Variants in RAPGEF6 observed in about 807,000 individuals in gnomAD.
RAPGEF6 encodes the protein PDZ domain containing guanine nucleotide exchange factor (GEF) 2.
RAPGEF6 carries 56 observed loss-of-function variants against 171.4 expected under a neutral mutation model. The ratio of observed to expected loss-of-function variants is 0.33; its 90% confidence interval spans 0.26 to 0.41. The LOEUF (loss-of-function observed/expected upper bound fraction) is 0.41. Ranked by LOEUF, RAPGEF6 falls within the 10% of genes least tolerant of loss-of-function variation. The pLI is 1.00. For synonymous variants in RAPGEF6, 692 were observed against 650.1 expected (o/e 1.06, Z -0.98); for missense variants, 1,674 against 1,921.4 (o/e 0.87, Z 2.41).
chr5:131,606,050 A>G (rs1481291016), intron 1 of RAPGEF6, among the ~76,000 whole-genome samples: 4 of 135,568 alleles, frequency 3.0e-5, no homozygotes. Context: ...AAAAAAAAAA[A>G]AAAGAAAAAG....
At chr5:131,576,604 C>T (rs1490341170) in intron 4 of RAPGEF6, among the ~76,000 whole-genome samples, 1 of 152,182 alleles carries the variant, frequency 6.6e-6, no homozygotes, top group Non-Finnish European at 1.5e-5. Flanking sequence ...CTTGAGGCAA[C>T]GCTTATGCTG....
chr5:131,506,454 T>G (rs775777038), intron 9 of RAPGEF6, among the ~76,000 whole-genome samples: 1 of 152,242 alleles, frequency 6.6e-6, no homozygotes, highest in African/African-American at 2.4e-5. Flanking sequence ...TTTAAAGATC[T>G]ACTATATATC....
chr5:131,497,721 T>C (rs1756726340), intron 12 of RAPGEF6, among the ~76,000 whole-genome samples: 1 of 152,234 alleles, frequency 6.6e-6, no homozygotes, highest in Non-Finnish European at 1.5e-5. Flanking sequence ...ATAAAAGAAT[T>C]CTGCAGTTTA....
intron 7 of RAPGEF6, among the ~76,000 whole-genome samples, chr5:131,515,477 A>G (rs244738): frequency 0.64 from 96,827 of 152,026 alleles, 32,610 homozygotes; most frequent in Non-Finnish European, 0.77. Context: ...CAGTGCAAAA[A>G]AAGAATTTCT....
intron 15 of RAPGEF6, among the ~76,000 whole-genome samples, chr5:131,486,041 C>G (rs1755864756): frequency 6.6e-6 from 1 of 152,134 alleles, no homozygotes; most frequent in Admixed American, 6.6e-5. Flanking sequence ...TAATCTAAGT[C>G]CAGGGCCAAA....
At chr5:131,619,124 C>A (rs1765452941) in intron 1 of RAPGEF6, among the ~76,000 whole-genome samples, 1 of 151,718 alleles carries the variant, frequency 6.6e-6, no homozygotes, top group African/African-American at 2.4e-5. Context: ...CTTGACTAGA[C>A]CCTGGATTGA....
At chr5:131,429,803 C>T (rs1398073814) in intron 26 of RAPGEF6, among the ~76,000 whole-genome samples, 2 of 152,000 alleles carry the variant, frequency 1.3e-5, no homozygotes, top group Non-Finnish European at 2.9e-5. Flanking sequence ...CCTGTAATCC[C>T]AGCACTTTGG....
At chr5:131,555,782 T>C (rs112636038) in intron 5 of RAPGEF6, among the ~76,000 whole-genome samples, 1,697 of 152,190 alleles carry the variant, frequency 0.011, 36 homozygotes, top group African/African-American at 0.039. Context: ...TAGTTACATA[T>C]AACGTGCGTC....
chr5:131,533,525 T>C (rs1333485727), intron 6 of RAPGEF6, among the ~76,000 whole-genome samples: 1 of 151,988 alleles, frequency 6.6e-6, no homozygotes, highest in Non-Finnish European at 1.5e-5. Flanking sequence ...TTGCTATTTA[T>C]CAAATAACTG....
At chr5:131,619,514 C>T (rs1229025767) in intron 1 of RAPGEF6, among the ~76,000 whole-genome samples, 5 of 152,106 alleles carry the variant, frequency 3.3e-5, no homozygotes, top group Non-Finnish European at 7.3e-5. Context: ...GAATGAAAGT[C>T]TCAATGATAT....
chr5:131,492,583 T>C lies in RAPGEF6; in HGVS notation c.1730A>G (p.Gln577Arg), dbSNP rs1441314229. The change falls in exon 14 of 28, where the codon CAG becomes CGG. Residue 577 changes from glutamine to arginine, a missense_variant and splice_region_variant. Gln to Arg is a conservative substitution (Grantham distance 43, BLOSUM62 1). Coordinates refer to ENST00000509018, the MANE Select transcript of RAPGEF6 (RefSeq NM_016340.6). ...ATAAGTGGTTGGTTATTTCCTTACC[T>C]GATCACCACGTTTCAGTCCTGAATC... ...AADSGLKRGD[Q>R]IMEVNGQNFE... 2.5e-6 allele frequency: 4 copies of C among 1,614,080 alleles called. No individual in the cohort carries two copies. Among genetic ancestry groups the C allele is most frequent in the Non-Finnish European group, 2.5e-6 (3 of 1,179,910 alleles).
At chr5:131,483,827 G>T (rs1176871129) in intron 15 of RAPGEF6, among the ~76,000 whole-genome samples, 1 of 152,000 alleles carries the variant, frequency 6.6e-6, no homozygotes, top group South Asian at 2.1e-4. Flanking sequence ...GAGGCCGGGC[G>T]TGGTGGCTCA....
At chr5:131,516,621 CT>C (rs1758101615) in intron 7 of RAPGEF6, among the ~76,000 whole-genome samples, 1 of 152,022 alleles carries the variant, frequency 6.6e-6, no homozygotes, top group South Asian at 2.1e-4. Context: ...AGACAACATG[CT>C]TTTGTTCAAG....
At chr5:131,568,794 CTA>C (rs1374904847) in intron 4 of RAPGEF6, among the ~76,000 whole-genome samples, 1 of 152,048 alleles carries the variant, frequency 6.6e-6, no homozygotes, top group Non-Finnish European at 1.5e-5. Context: ...AGAAATGAAA[CTA>C]TGTTTAACAT....
Position 131,461,689 on chromosome 5 carries a change from AT to A in RAPGEF6, c.2864+15del, listed in dbSNP as rs777994159. On this transcript the variant is annotated intron_variant, in intron 19 of 27. Coordinates refer to ENST00000509018, the MANE Select transcript of RAPGEF6 (RefSeq NM_016340.6). ...CAAAACCATACAGACATTTGTACCT[AT>A]TTGTACCAACTTACCTTATTATTGC... 1 of 1,581,120 alleles carries A rather than the reference AT, an allele frequency of 6.3e-7. No homozygotes were observed. Among genetic ancestry groups the A allele is most frequent in the African/African-American group, 1.3e-5 (1 of 74,120 alleles).
At chr5:131,528,999 A>G (rs958028564) in intron 6 of RAPGEF6, among the ~76,000 whole-genome samples, 5 of 152,184 alleles carry the variant, frequency 3.3e-5, no homozygotes, top group African/African-American at 1.2e-4. Flanking sequence ...AATAGAACCC[A>G]AAGTGGTAAT....
intron 21 of RAPGEF6, among the ~76,000 whole-genome samples, chr5:131,449,833 A>G (rs1267013793): frequency 1.3e-5 from 2 of 152,216 alleles, no homozygotes; most frequent in African/African-American, 4.8e-5. Flanking sequence ...TCAATAGTGG[A>G]AAAATAAAGG....
rs558546538 is a variant in RAPGEF6 at position 131,430,241 on chromosome 5, T to C, written c.4465+618A>G. Among the ~76,000 whole-genome samples, 5 of 152,126 alleles carry C rather than the reference T, an allele frequency of 3.3e-5. No homozygotes were observed. In the East Asian group the frequency reaches 9.7e-4, roughly 29 times the overall value. The stretch of plus-strand genomic sequence containing the variant: ...TCAAAGTAGAGTCATTCCATATAAG[T>C]AGAAAAGCAGTTTTATATCCACGTA... On this transcript the variant is annotated intron_variant, in intron 26 of 27. Coordinates refer to ENST00000509018, the MANE Select transcript of RAPGEF6 (RefSeq NM_016340.6).
chr5:131,607,731 G>A (rs1580668040), intron 1 of RAPGEF6, among the ~76,000 whole-genome samples: 2 of 152,114 alleles, frequency 1.3e-5, no homozygotes, highest in Admixed American at 1.3e-4. Flanking sequence ...CAGAAAATGG[G>A]AGATAAACAC....
Sources: gnomAD v4.1 joint callset for allele counts (sites outside exome capture counted in the v4.1 genomes callset) on GRCh38, gnomAD v4.1.1 for gene constraint, MANE v1.5 for transcripts, NCBI Gene and HGNC (gene_info 2026-07-23, HGNC 2026-07-21) for gene names.